Variants in PTPRN2 observed in about 807,000 individuals in gnomAD.
The protein encoded by PTPRN2 is protein tyrosine phosphatase receptor type N2, also known as receptor-type tyrosine-protein phosphatase N2.
A neutral mutation model predicts 118.8 loss-of-function variants in PTPRN2; 74 were observed. That is an observed-to-expected ratio of 0.62 (90% CI 0.52 to 0.76). The LOEUF is 0.76. Ranked by LOEUF, PTPRN2 falls within the 30% of genes least tolerant of loss-of-function variation. The probability of loss-of-function intolerance (pLI) is 0.00; values close to 1 mark genes in which losing one functional copy is unlikely to be tolerated. For synonymous variants in PTPRN2, 641 were observed against 608.0 expected, an observed-to-expected ratio of 1.05 and a Z score of -0.80; for missense variants, 1,481 against 1,394.4, an observed-to-expected ratio of 1.06 and a Z score of -0.99.
chr7:158,085,531 C>A lies in PTPRN2; in HGVS notation c.1644-4154G>T, dbSNP rs374144587. The stretch of plus-strand genomic sequence containing the variant: ...GACGCCCATCCACACAGATGCCCAT[C>A]CACACCCATGACGCCCATCCACACC... On this transcript the variant is annotated intron_variant, in intron 10 of 22. Coordinates refer to ENST00000389418, the MANE Select transcript of PTPRN2 (RefSeq NM_002847.5). Among the ~76,000 whole-genome samples, 39 of 138,166 alleles carry A rather than the reference C, an allele frequency of 2.8e-4. No individual in the cohort carries two copies. The South Asian group carries it at 9.5e-3, about 34-fold the overall frequency. 90.6% of individuals were successfully genotyped at this position (138,166 alleles called of 152,430 possible). A position where few individuals can be genotyped will look rare whatever the true frequency, so the allele number is the denominator to read the frequency against.
chr7:158,125,096 G>C (rs918257708), intron 9 of PTPRN2, among the ~76,000 whole-genome samples: 1 of 152,170 alleles, frequency 6.6e-6, no homozygotes, highest in African/African-American at 2.4e-5. Context: ...AGCCCACTGA[G>C]CTGCCGGGCT....
rs375466326 is a variant in PTPRN2, at chr7:158,143,229, T to C, written c.911-4714A>G. ...AGGGATCGGGAGGAAGAGCTGTGTC[T>C]GGAAAAGTAGGCGGCCACAGGCAAG... On this transcript the variant is annotated intron_variant, in intron 6 of 22. Transcript: ENST00000389418. Among the ~76,000 whole-genome samples the C allele has an allele frequency of 1.2e-4, 19 of 152,254 alleles. No individual in the cohort carries two copies. In the East Asian group the frequency reaches 2.7e-3, roughly 22 times the overall value.
chr7:158,166,984 T>TG lies in PTPRN2; in HGVS notation c.856dup (p.Gln286ProfsTer35). 2 of 1,458,864 alleles carry TG rather than the reference T, an allele frequency of 1.4e-6. No homozygotes were observed. The highest frequency in any genetic ancestry group is 1.8e-6 in the Non-Finnish European group (2 of 1,100,706). The allele number at this position is 1,458,864 out of a possible 1,614,324, so 90.4% of individuals were successfully genotyped here. On this transcript the variant is annotated frameshift_variant, in exon 6 of 23. Coordinates refer to ENST00000389418, the MANE Select transcript of PTPRN2 (RefSeq NM_002847.5). LOFTEE classifies it high-confidence loss of function. ...ATCTCCCAGAGGTGAAGGCCACTTC[T>TG]GGGGGGCGGCTGGTGCCAGCAAAGG...
At chr7:158,462,662 G>A (rs79905920) in intron 2 of PTPRN2, among the ~76,000 whole-genome samples, 2,546 of 152,236 alleles carry the variant, frequency 0.017, 61 homozygotes, top group South Asian at 0.05. Flanking sequence ...ACCCTGAGAC[G>A]TGTCATATAG....
intron 12 of PTPRN2, among the ~76,000 whole-genome samples, chr7:157,854,096 G>A (rs554873042): frequency 2.0e-5 from 3 of 152,324 alleles, no homozygotes; most frequent in African/African-American, 7.2e-5. Context: ...TGCGGTTTGC[G>A]CCGCCCCGTC....
At chr7:158,119,733 T>A (rs1157820655) in intron 9 of PTPRN2, among the ~76,000 whole-genome samples, 1 of 152,152 alleles carries the variant, frequency 6.6e-6, no homozygotes, top group East Asian at 1.9e-4. Context: ...AAATTAAACT[T>A]TATCATAGGT....
At position 157,787,121 on chromosome 7, in the gene PTPRN2, G is replaced by A. The variant is rs1198441775; in HGVS notation, c.1789-104184C>T. ...CCCGGGAGGCGGACGCGGGTGCGGC[G>A]GGGGACGCGGGGGTGGCTGCCCGGG... is the stretch of plus-strand genomic sequence containing the variant. On this transcript the variant is annotated intron_variant, in intron 12 of 22. Transcript: ENST00000389418. This position sits in a 1 kb window ranked among gnomAD's most constrained non-coding sequence, Gnocchi z 5.3. Among the ~76,000 whole-genome samples the A allele has an allele frequency of 5.3e-4, 71 of 135,122 alleles. 5 individuals are homozygous for A. Among genetic ancestry groups the A allele is most frequent in the African/African-American group, 1.7e-3 (63 of 36,340 alleles). The allele number at this position is 135,122 out of a possible 152,430, so 88.6% of individuals were successfully genotyped here.
At chr7:158,540,416 C>T (rs982695113) in intron 1 of PTPRN2, among the ~76,000 whole-genome samples, 1 of 152,050 alleles carries the variant, frequency 6.6e-6, no homozygotes, top group Non-Finnish European at 1.5e-5. Context: ...TCTGGGGCTC[C>T]ATGGCTGGGC....
At chr7:158,327,045 G>A (rs1417143389) in intron 2 of PTPRN2, among the ~76,000 whole-genome samples, 2 of 147,734 alleles carry the variant, frequency 1.4e-5, no homozygotes, top group African/African-American at 5.0e-5. Flanking sequence ...ACATGCACAT[G>A]TACACATTCT....
intron 1 of PTPRN2, among the ~76,000 whole-genome samples, chr7:158,578,758 T>C (rs1423785473): frequency 6.6e-6 from 1 of 151,586 alleles, no homozygotes; most frequent in East Asian, 1.9e-4. Context: ...TCTTCTCTTT[T>C]TTTTTTTGTT....
intron 12 of PTPRN2, among the ~76,000 whole-genome samples, chr7:157,694,399 A>G (rs1797669484): frequency 6.6e-6 from 1 of 152,120 alleles, no homozygotes; most frequent in African/African-American, 2.4e-5. Context: ...GAGAGCCTCC[A>G]ACTCACTCCC....
chr7:158,135,957 G>T (rs1183524779), intron 8 of PTPRN2, among the ~76,000 whole-genome samples: 2 of 152,220 alleles, frequency 1.3e-5, no homozygotes, highest in Non-Finnish European at 2.9e-5. Flanking sequence ...CACGACCAAA[G>T]GTTCTTAAAG....
chr7:157,902,231 C>T (rs954647293), intron 11 of PTPRN2, among the ~76,000 whole-genome samples: 4 of 152,224 alleles, frequency 2.6e-5, no homozygotes, highest in African/African-American at 7.2e-5. Flanking sequence ...CCGGAAAGGG[C>T]GTCAGCTGCG....
chr7:158,409,714 C>G (rs534690399), intron 2 of PTPRN2, among the ~76,000 whole-genome samples: 8 of 152,166 alleles, frequency 5.3e-5, no homozygotes, highest in Admixed American at 4.6e-4. Flanking sequence ...AGGGAAGGGG[C>G]CAGGTAGGGA....
At chr7:158,070,602 AGGTGCTCCTGG>A (rs2128915939) in intron 11 of PTPRN2, among the ~76,000 whole-genome samples, 2 of 56,926 alleles carry the variant, frequency 3.5e-5, no homozygotes, top group African/African-American at 1.7e-4. Context: ...CCTGTGGTGG[AGGTGCTCCTGG>A]TGGTGGAGGT....
rs117065824 is a variant in PTPRN2 at position 158,362,981 on chromosome 7, C to T, written c.164-46049G>A. ...GAGACACAATCGCAATTCAGGCCAC[C>T]ATGTTGTAGGTGGCCCTGGTCCCCA... On this transcript the variant is annotated intron_variant, in intron 2 of 22. Transcript: ENST00000389418. Among the ~76,000 whole-genome samples, 1,306 of 152,266 alleles carry T rather than the reference C, an allele frequency of 8.6e-3. 9 individuals are homozygous for T. Among genetic ancestry groups the T allele is most frequent in the Non-Finnish European group, 0.013 (858 of 68,024 alleles).
chr7:158,095,025 G>A (rs757640446), intron 10 of PTPRN2, among the ~76,000 whole-genome samples: 6 of 152,116 alleles, frequency 3.9e-5, no homozygotes, highest in African/African-American at 1.2e-4. Context: ...GCCAGCATCC[G>A]TGGTGGGAGG....
chr7:158,512,131 G>A (rs1313338677), intron 1 of PTPRN2, among the ~76,000 whole-genome samples: 1 of 152,240 alleles, frequency 6.6e-6, no homozygotes, highest in African/African-American at 2.4e-5. Context: ...ACAGATGTGT[G>A]AAGCCACTGA....
intron 12 of PTPRN2, among the ~76,000 whole-genome samples, chr7:157,748,528 GCTGTGGGGTGT>G (rs1316074526): frequency 9.4e-5 from 14 of 148,862 alleles, no homozygotes; most frequent in Admixed American, 1.3e-4. Context: ...GCGTCTCTGA[GCTGTGGGGTGT>G]CCGGGTGATT....
Sources: allele counts gnomAD v4.1 joint callset (sites outside exome capture counted in the v4.1 genomes callset), GRCh38; gene constraint gnomAD v4.1.1; non-coding constraint Gnocchi (gnomAD v3.1); transcripts MANE v1.5; gene names NCBI Gene and HGNC (gene_info 2026-07-23, HGNC 2026-07-21).